The following SEC23A variants were observed in gnomAD, a reference collection of about 807,000 sequenced individuals.
SEC23A encodes protein transport protein Sec23A.
Under a neutral mutation model 103.7 loss-of-function variants are expected in SEC23A, and 56 were observed. That is an observed-to-expected ratio of 0.54 (90% CI 0.44 to 0.67). The LOEUF is 0.67. Among genes scored for constraint, SEC23A ranks in the 30% least tolerant of loss-of-function variants. The pLI is 0.00. For synonymous variants in SEC23A, 281 were observed against 293.0 expected (o/e 0.96, Z 0.42); for missense variants, 784 against 936.4 (o/e 0.84, Z 2.12).
intron 14 of SEC23A, among the ~76,000 whole-genome samples, chr14:39,049,643 T>C (rs1024715471): frequency 6.6e-6 from 1 of 151,704 alleles, no homozygotes; most frequent in African/African-American, 2.4e-5. Flanking sequence ...CCAGGCATGG[T>C]TGCACGTGAC....
Position 39,095,975 on chromosome 14 carries a change from T to C in SEC23A, c.144A>G (p.Arg48=). 1.2e-6 allele frequency: 2 copies of C among 1,614,124 alleles called. No individual in the cohort carries two copies. The highest frequency in any genetic ancestry group is 1.7e-6 in the Non-Finnish European group (2 of 1,179,994). Residue 48 remains arginine, a synonymous_variant, in exon 2 of 20, where the codon AGA becomes AGG. Transcript: ENST00000307712. ...VAALFTPLKE[R]PDLPPIQYEP... The stretch of plus-strand genomic sequence containing the variant: ...CATATTGAATAGGTGGTAAGTCAGG[T>C]CTCTCTTTCAGTGGTGTAAACAGGG...
intron 9 of SEC23A, among the ~76,000 whole-genome samples, chr14:39,068,277 C>T (rs993971351): frequency 6.6e-6 from 1 of 152,102 alleles, no homozygotes; most frequent in African/African-American, 2.4e-5. Context: ...CTCTCATACA[C>T]TTCTGCTGGG....
At chr14:39,096,925 G>A (rs1162320972) in intron 1 of SEC23A, among the ~76,000 whole-genome samples, 1 of 152,132 alleles carries the variant, frequency 6.6e-6, no homozygotes, top group Admixed American at 6.5e-5. Context: ...CCTAAAACTG[G>A]ACACTTCTGC....
At chr14:39,036,239 T>C (rs1002091911) in intron 19 of SEC23A, among the ~76,000 whole-genome samples, 1 of 147,484 alleles carries the variant, frequency 6.8e-6, no homozygotes, top group Non-Finnish European at 1.5e-5. Context: ...GGAGAATCGC[T>C]TGAACCCAGG....
At chr14:39,057,367 T>C (rs1373711492) in intron 13 of SEC23A, among the ~76,000 whole-genome samples, 1 of 152,154 alleles carries the variant, frequency 6.6e-6, no homozygotes, top group Non-Finnish European at 1.5e-5. Context: ...GAGATTTTTT[T>C]AAGAGACAAG....
chr14:39,036,833 G>A (rs997816946), intron 19 of SEC23A, among the ~76,000 whole-genome samples: 4 of 151,912 alleles, frequency 2.6e-5, no homozygotes, highest in African/African-American at 4.8e-5. Flanking sequence ...TTCGACCTCC[G>A]CTTCTTTCTC....
Position 39,081,823 on chromosome 14 carries a change from ATATACT to A in SEC23A, c.828+3933_828+3938del, listed in dbSNP as rs538961962. On this transcript the variant is annotated intron_variant, in intron 7 of 19. Coordinates refer to ENST00000307712, the MANE Select transcript of SEC23A (RefSeq NM_006364.4). ...AGTATGCAGACATATATGCACACACATATACTTATGATTTTATATACATCTATAGAT... is the reference window on the plus strand; with the variant it reads ...AGTATGCAGACATATATGCACACACATATGATTTTATATACATCTATAGAT... Among the ~76,000 whole-genome samples, 1,304 of 152,278 alleles carry A rather than the reference ATATACT, an allele frequency of 8.6e-3. 20 individuals are homozygous for A. Among genetic ancestry groups the A allele is most frequent in the African/African-American group, 0.029 (1,214 of 41,562 alleles).
chr14:39,074,002 G>C (rs1886928271), intron 9 of SEC23A, among the ~76,000 whole-genome samples: 2 of 152,168 alleles, frequency 1.3e-5, no homozygotes, highest in Admixed American at 1.3e-4. Context: ...ATAATGGGAA[G>C]TAACTGCTAA....
Position 39,085,900 on chromosome 14 carries a change from T to C in SEC23A, c.690A>G (p.Leu230=), listed in dbSNP as rs749587486. The C allele has an allele frequency of 2.5e-6, 4 of 1,612,544 alleles. No individual in the cohort carries two copies. Among genetic ancestry groups the C allele is most frequent in the Non-Finnish European group, 3.4e-6 (4 of 1,178,614 alleles). ...VQQPPPSNRF[L]QPVQKIDMNL... ...TCATGTCTATTTTCTGTACTGGTTG[T>C]AAGAATCTAAGAAACAGAATTAAAT... The change falls in exon 7 of 20, where the codon TTA becomes TTG. Residue 230 remains leucine (L), a synonymous_variant. Transcript: ENST00000307712.
intron 14 of SEC23A, among the ~76,000 whole-genome samples, chr14:39,053,856 TGTG>T (rs1425681590): frequency 6.6e-6 from 1 of 152,140 alleles, no homozygotes; most frequent in Non-Finnish European, 1.5e-5. Flanking sequence ...CTTAGCCAGG[TGTG>T]GTGGCTCATG....
chr14:39,094,010 A>C (rs1361168750), intron 2 of SEC23A, among the ~76,000 whole-genome samples: 1 of 151,708 alleles, frequency 6.6e-6, no homozygotes, highest in African/African-American at 2.4e-5. Context: ...GCAGATGCAC[A>C]AACAAGAAAA....
In SEC23A at chr14:39,033,194, G is replaced by A. The variant is rs751063725; in HGVS notation, c.*45C>T. On this transcript the variant is annotated 3_prime_UTR_variant, in exon 20 of 20. Coordinates refer to ENST00000307712, the MANE Select transcript of SEC23A (RefSeq NM_006364.4). ...ATGGAAAAAGGAAAAAATGAAATTT[G>A]AATATTATTTCATCTTCTTAAGTGT... 23 of 1,376,272 alleles carry A rather than the reference G, an allele frequency of 1.7e-5. No homozygotes were observed. The highest frequency in any genetic ancestry group is 2.2e-5 in the Non-Finnish European group (21 of 963,796). The allele number at this position is 1,376,272 out of a possible 1,614,324, so 85.3% of individuals were successfully genotyped here. A position where few individuals can be genotyped will look rare whatever the true frequency, so the allele number is the denominator to read the frequency against.
intron 14 of SEC23A, among the ~76,000 whole-genome samples, chr14:39,050,920 T>C (rs1886035582): frequency 6.6e-6 from 1 of 152,224 alleles, no homozygotes; most frequent in South Asian, 2.1e-4. Flanking sequence ...GATACCAGTA[T>C]CTTATGTGAT....
At chr14:39,033,389 A>C in intron 19 of SEC23A, 61 bp from the exon 20 acceptor site, 1 of 1,097,086 alleles carries the variant, frequency 9.1e-7, no homozygotes. Flanking sequence ...GAATTTATAC[A>C]CAAATGTTTA....
At chr14:39,089,469 CGCTTCCTGTGCTCCTGAA>C (rs67902649) in intron 5 of SEC23A, among the ~76,000 whole-genome samples, 32,158 of 149,950 alleles carry the variant, frequency 0.21, 4,297 homozygotes, top group Middle Eastern at 0.39. Context: ...TAAGGTACTC[CGCTTCCTGTGCTCCTGAA>C]GGAATCCCTA....
intron 2 of SEC23A, among the ~76,000 whole-genome samples, chr14:39,094,444 T>TA (rs1887816834): frequency 1.7e-4 from 2 of 12,120 alleles, no homozygotes; most frequent in Non-Finnish European, 2.5e-4. Flanking sequence ...ATATATATAT[T>TA]TTTTTTTTTT....
chr14:39,065,033 A>T, intron 10 of SEC23A, 40 bp from the exon 11 acceptor site: 2 of 1,267,902 alleles, frequency 1.6e-6, no homozygotes, highest in South Asian at 2.4e-5. Context: ...TTCCTCAAAG[A>T]TACGTTCAAA....
chr14:39,059,265 C>G (rs1223643894), intron 13 of SEC23A, among the ~76,000 whole-genome samples: 1 of 107,804 alleles, frequency 9.3e-6, no homozygotes, highest in South Asian at 3.2e-4. Context: ...CCCCTAAAGT[C>G]ATAGTCCTAG....
chr14:39,052,927 G>A (rs1169163445), intron 14 of SEC23A, among the ~76,000 whole-genome samples: 1 of 152,166 alleles, frequency 6.6e-6, no homozygotes, highest in Non-Finnish European at 1.5e-5. Context: ...CCTGAGGTCA[G>A]GAGTTCAAGA....
Sources: gnomAD v4.1 joint callset for allele counts (sites outside exome capture counted in the v4.1 genomes callset) on GRCh38, gnomAD v4.1.1 for gene constraint, MANE v1.5 for transcripts, NCBI Gene and HGNC (gene_info 2026-07-23, HGNC 2026-07-21) for gene names.